The following SYT16 variants were observed in gnomAD, a reference collection of about 807,000 sequenced individuals.
SYT16 encodes the protein synaptotagmin 16, also known as synaptotagmin-16.
SYT16 carries 42 observed loss-of-function variants against 61.4 expected under a neutral mutation model. The ratio of observed to expected loss-of-function variants is 0.68; its 90% confidence interval spans 0.53 to 0.89. SYT16 has a LOEUF of 0.89. Ranked by LOEUF, SYT16 falls within the 40% of genes least tolerant of loss-of-function variation. SYT16 has a pLI of 0.00. For missense variants in SYT16, 804 were observed against 807.3 expected (o/e 1.00, Z 0.05); for synonymous variants, 314 against 302.3 (o/e 1.04, Z -0.40).
intron 3 of SYT16, among the ~76,000 whole-genome samples, chr14:62,034,054 A>G (rs144081642): frequency 3.8e-4 from 58 of 152,314 alleles, no homozygotes; most frequent in African/African-American, 1.2e-3. Flanking sequence ...GAATATGTCT[A>G]TTTTTCTAAA....
At chr14:61,859,093 T>G (rs2046881739) in intron 1 of SYT16, among the ~76,000 whole-genome samples, 2 of 151,896 alleles carry the variant, frequency 1.3e-5, no homozygotes, top group African/African-American at 4.8e-5. Context: ...TCTCCTGACC[T>G]CATGATTCGC....
intron 3 of SYT16, among the ~76,000 whole-genome samples, chr14:62,028,660 C>T (rs1287930430): frequency 6.6e-6 from 1 of 152,118 alleles, no homozygotes; most frequent in African/African-American, 2.4e-5. Context: ...TTAAGGAGAA[C>T]AGGTTTATGA....
At chr14:61,973,057 A>C (rs904367733) in intron 2 of SYT16, among the ~76,000 whole-genome samples, 1 of 152,194 alleles carries the variant, frequency 6.6e-6, no homozygotes, top group African/African-American at 2.4e-5. Flanking sequence ...AAATGATAGA[A>C]TATCAGAAAC....
At chr14:62,008,193 C>T (rs748237316) in intron 3 of SYT16, among the ~76,000 whole-genome samples, 6 of 151,918 alleles carry the variant, frequency 3.9e-5, no homozygotes, top group South Asian at 2.1e-4. Context: ...TTTCTTTCTT[C>T]GCTGGTACCC....
rs533616326 is a variant in SYT16, at chr14:61,930,026, G to A, written c.-324-40106G>A. ...CTTTAATTGAGCAAGGAAGGGGCCAGCTTGCTTAATCCACCTTGAGAATAA... is the reference window on the plus strand; with the variant it reads ...CTTTAATTGAGCAAGGAAGGGGCCAACTTGCTTAATCCACCTTGAGAATAA... On this transcript the variant is annotated intron_variant, in intron 1 of 7. Transcript: ENST00000683842. Among the ~76,000 whole-genome samples the A allele has an allele frequency of 2.0e-5, 3 of 152,282 alleles. 1 individual carries two copies. Among genetic ancestry groups the A allele is most frequent in the East Asian group, 1.9e-4 (1 of 5,180 alleles).
chr14:61,900,215 G>A (rs1385337569), intron 1 of SYT16, among the ~76,000 whole-genome samples: 2 of 146,582 alleles, frequency 1.4e-5, no homozygotes, highest in Non-Finnish European at 1.5e-5. Flanking sequence ...CTGAAATGCA[G>A]TGGCGCAATC....
At chr14:62,075,104 A>G in intron 4 of SYT16, 31 bp from the exon 5 acceptor site, 3 of 1,571,816 alleles carry the variant, frequency 1.9e-6, no homozygotes, top group Non-Finnish European at 8.7e-7. Flanking sequence ...AAAATAATGC[A>G]TTTGAAATGG....
rs2057538333 is a variant in SYT16, at chr14:62,107,753, T to C, written c.*7046T>C. ...ACTTGTTTGTCAGTCTATGCTTTCA[T>C]TCAAAATAAATGGATATGTTTTGTA... On this transcript the variant is annotated 3_prime_UTR_variant, in exon 8 of 8. Coordinates refer to ENST00000683842, the MANE Select transcript of SYT16 (RefSeq NM_001367656.1). 1 of 152,230 alleles carries C rather than the reference T, an allele frequency of 6.6e-6. No individual in the cohort carries two copies. Among genetic ancestry groups the C allele is most frequent in the Admixed American group, 6.5e-5 (1 of 15,286 alleles). 9.4% of individuals were successfully genotyped at this position (152,230 alleles called of 1,614,324 possible).
chr14:61,982,824 G>A (rs750644777), intron 2 of SYT16, among the ~76,000 whole-genome samples: 3 of 152,122 alleles, frequency 2.0e-5, no homozygotes, highest in Non-Finnish European at 4.4e-5. Flanking sequence ...GTCTGCACAT[G>A]CTAAAAACTG....
chr14:61,937,562 G>T (rs2050031337), intron 1 of SYT16, among the ~76,000 whole-genome samples: 1 of 152,186 alleles, frequency 6.6e-6, no homozygotes, highest in African/African-American at 2.4e-5. Context: ...AATTATCTCA[G>T]GACCAGTCAG....
chr14:62,081,224 G>T lies in SYT16; in HGVS notation c.1384G>T (p.Glu462Ter). 1 of 1,614,006 alleles carries T rather than the reference G, an allele frequency of 6.2e-7. No individual in the cohort carries two copies. Among genetic ancestry groups the T allele is most frequent in the Non-Finnish European group, 8.5e-7 (1 of 1,179,890 alleles). ...KLFYLSHLHP[E>*]GEMKVTLVLE... The stretch of plus-strand genomic sequence containing the variant: ...ATTCTATCTCAGCCACCTGCACCCA[G>T]AAGGGGAAATGAAAGTGACTCTGGT... Residue 462 changes from glutamate (E) to a stop codon, truncating the protein, a stop_gained, in exon 6 of 8, where the codon GAA becomes TAA. Transcript: ENST00000683842. LOFTEE classifies it high-confidence loss of function.
At chr14:61,840,399 A>G (rs141813469) in intron 1 of SYT16, among the ~76,000 whole-genome samples, 1 of 152,286 alleles carries the variant, frequency 6.6e-6, no homozygotes, top group African/African-American at 2.4e-5. Flanking sequence ...GAGTGAGTAG[A>G]GTAAGGAGAA....
chr14:61,852,685 G>A (rs192026702), intron 1 of SYT16, among the ~76,000 whole-genome samples: 1 of 152,216 alleles, frequency 6.6e-6, no homozygotes, highest in East Asian at 1.9e-4. Context: ...TGGCAATTGT[G>A]AGTGGCAATT....
intron 1 of SYT16, among the ~76,000 whole-genome samples, chr14:61,833,356 G>A (rs761265540): frequency 1.1e-4 from 17 of 148,824 alleles, no homozygotes; most frequent in Non-Finnish European, 2.4e-4. Context: ...GCGATGGCTC[G>A]ATCTCAGCTC....
chr14:61,896,761 A>G (rs1013110514), intron 1 of SYT16, among the ~76,000 whole-genome samples: 2 of 152,250 alleles, frequency 1.3e-5, no homozygotes, highest in Admixed American at 1.3e-4. Flanking sequence ...GTGCTTGAAA[A>G]TATTTTGCTT....
chr14:61,848,096 T>C (rs1209390689), intron 1 of SYT16, among the ~76,000 whole-genome samples: 2 of 152,200 alleles, frequency 1.3e-5, no homozygotes, highest in East Asian at 1.9e-4. Flanking sequence ...TGTTTTCCTG[T>C]ATGGTCTTCA....
chr14:61,878,981 G>A (rs1266005118), intron 1 of SYT16, among the ~76,000 whole-genome samples: 1 of 152,194 alleles, frequency 6.6e-6, no homozygotes, highest in Non-Finnish European at 1.5e-5. Context: ...GATAATGAGA[G>A]TGTTGGCTCT....
intron 7 of SYT16, among the ~76,000 whole-genome samples, chr14:62,093,380 A>G (rs922282342): frequency 2.0e-5 from 3 of 152,030 alleles, no homozygotes; most frequent in African/African-American, 7.2e-5. Flanking sequence ...ATCAAAATAT[A>G]TCAGTAGTCA....
At chr14:61,994,113 A>G (rs926848059) in intron 2 of SYT16, among the ~76,000 whole-genome samples, 1 of 152,188 alleles carries the variant, frequency 6.6e-6, no homozygotes, top group African/African-American at 2.4e-5. Context: ...ACTGTACAAA[A>G]TATGATGAAA....
Sources: gnomAD v4.1 joint callset for allele counts (sites outside exome capture counted in the v4.1 genomes callset) on GRCh38, gnomAD v4.1.1 for gene constraint, MANE v1.5 for transcripts, NCBI Gene and HGNC (gene_info 2026-07-23, HGNC 2026-07-21) for gene names.